Variants in FAM234B observed in about 807,000 individuals in gnomAD.
The protein encoded by FAM234B is family with sequence similarity 234 member B.
A neutral mutation model predicts 69.3 loss-of-function variants in FAM234B; 33 were observed. The ratio of observed to expected loss-of-function variants is 0.48; its 90% CI spans 0.36 to 0.64. FAM234B has a LOEUF of 0.64. Ranked by LOEUF, FAM234B falls within the 30% of genes least tolerant of loss-of-function variation. The probability of loss-of-function intolerance (pLI) is 0.00; values close to 1 mark genes in which losing one functional copy is unlikely to be tolerated. For missense variants in FAM234B, 697 were observed against 769.7 expected (o/e 0.91, Z 1.12); for synonymous variants, 306 against 306.9 (o/e 1.00, Z 0.03).
intron 3 of FAM234B, 39 bp downstream of exon 3, chr12:13,058,588 C>G: frequency 6.5e-7 from 1 of 1,532,096 alleles, no homozygotes; most frequent in Non-Finnish European, 9.0e-7. Flanking sequence ...TACAGGGGCA[C>G]TGTCAGCTAG....
At chr12:13,073,781 G>C (rs1865132629) in intron 10 of FAM234B, among the ~76,000 whole-genome samples, 1 of 152,220 alleles carries the variant, frequency 6.6e-6, no homozygotes, top group Admixed American at 6.5e-5. Flanking sequence ...GGTGGCTATT[G>C]TTTGTGCTGT....
At chr12:13,060,181 C>T (rs948101621) in intron 3 of FAM234B, among the ~76,000 whole-genome samples, 2 of 152,176 alleles carry the variant, frequency 1.3e-5, no homozygotes, top group South Asian at 2.1e-4. Context: ...GCTGGGGATT[C>T]GGATCCAAGG....
chr12:13,078,570 A>G (rs1253628693), intron 11 of FAM234B, among the ~76,000 whole-genome samples: 2 of 152,246 alleles, frequency 1.3e-5, no homozygotes, highest in African/African-American at 4.8e-5. Context: ...AATAAAGGGT[A>G]TTCAATTAGG....
intron 9 of FAM234B, 113 bp downstream of exon 9, chr12:13,068,824 T>C (rs556041705): frequency 2.2e-4 from 146 of 667,662 alleles, no homozygotes; most frequent in Middle Eastern, 8.4e-4. Context: ...GATCTCTAAC[T>C]TCAAAGAACT....
chr12:13,063,535 A>G (rs111770614), intron 5 of FAM234B, among the ~76,000 whole-genome samples: 11 of 152,360 alleles, frequency 7.2e-5, no homozygotes, highest in African/African-American at 2.6e-4. Context: ...CAATGACCAA[A>G]GAAAGGAGTG....
At position 13,055,629 on chromosome 12, in the gene FAM234B, T is replaced by C. The variant is rs760272495; in HGVS notation, c.116T>C (p.Leu39Pro). The change falls in exon 2 of 13, where the codon CTT (leucine) becomes CCT (proline). Residue 39 changes from leucine (L) to proline (P), a missense_variant. Leu to Pro is a moderately conservative substitution (Grantham distance 98). This residue lies in a region of FAM234B where 380 missense variants were observed against 447.1 expected (regional missense o/e 0.85). Coordinates refer to ENST00000197268, the MANE Select transcript of FAM234B (RefSeq NM_020853.2). ...DSDESEDDLVLNLQKNGGVKN... is the reference protein window; with the variant it reads ...DSDESEDDLVPNLQKNGGVKN... ...GATGAGAGCGAAGACGATCTGGTGC[T>C]TAACCTGCAGAAGAATGGAGGGGTC... is the stretch of plus-strand genomic sequence containing the variant. The C allele has an allele frequency of 7.4e-6, 12 of 1,614,186 alleles. No individual in the cohort carries two copies. The South Asian group carries it at 1.3e-4, about 18-fold the overall frequency.
At position 13,081,631 on chromosome 12, in the gene FAM234B, C is replaced by T. The variant is rs1391652713; in HGVS notation, c.*1001C>T. ...TGTTTCTGGACTTTTTCTTCTGCTA[C>T]TTGAGTCCAGGATGCAACCATTTTG... On this transcript the variant is annotated 3_prime_UTR_variant, in exon 13 of 13. Transcript: ENST00000197268. 4 of 152,224 alleles carry T rather than the reference C, an allele frequency of 2.6e-5. No individual in the cohort carries two copies. The highest frequency in any genetic ancestry group is 6.5e-5 in the Admixed American group (1 of 15,290). The allele number at this position is 152,224 out of a possible 1,614,324, so 9.4% of individuals were successfully genotyped here. A position where few individuals can be genotyped will look rare whatever the true frequency, so the allele number is the denominator to read the frequency against.
In FAM234B at chr12:13,055,554, A is replaced by G. The variant is rs1489691462; in HGVS notation, c.41A>G (p.Lys14Arg). The change falls in exon 2 of 13, where the codon AAG (lysine) becomes AGG (arginine). Residue 14 changes from lysine to arginine, a missense_variant. Transcript: ENST00000197268. The part of the protein sequence containing the change: ...VLSRALKLPG[K>R]KSPDLGEYDP... ...CTCTGTTTTTCTGTATTTTCAGGGAAGAAGAGCCCAGACCTAGGGGAGTAT... is the reference window on the plus strand; with the variant it reads ...CTCTGTTTTTCTGTATTTTCAGGGAGGAAGAGCCCAGACCTAGGGGAGTAT... 5.1e-6 allele frequency: 8 copies of G among 1,582,556 alleles called. No homozygotes were observed. Among genetic ancestry groups the G allele is most frequent in the Non-Finnish European group, 6.0e-6 (7 of 1,157,460 alleles).
At chr12:13,065,559 A>G (rs1187639560) in intron 5 of FAM234B, among the ~76,000 whole-genome samples, 2 of 152,174 alleles carry the variant, frequency 1.3e-5, no homozygotes, top group Non-Finnish European at 2.9e-5. Flanking sequence ...AAGTACCTAT[A>G]TCTTTTAATG....
intron 4 of FAM234B, 126 bp from the exon 5 acceptor site, chr12:13,062,719 G>T: frequency 2.1e-6 from 2 of 934,818 alleles, no homozygotes; most frequent in East Asian, 5.1e-5. Context: ...AAGGCAATAA[G>T]TAGGTAGGAG....
chr12:13,063,832 A>G (rs1196976696), intron 5 of FAM234B, among the ~76,000 whole-genome samples: 5 of 152,226 alleles, frequency 3.3e-5, no homozygotes, highest in African/African-American at 1.2e-4. Flanking sequence ...TTGTGCACAA[A>G]AGAGTCAAAC....
At chr12:13,074,933 G>T (rs996088404) in intron 10 of FAM234B, among the ~76,000 whole-genome samples, 14 of 152,200 alleles carry the variant, frequency 9.2e-5, no homozygotes, top group Non-Finnish European at 1.5e-5. Flanking sequence ...GGTAGTCCCA[G>T]GGGAGGAGAG....
chr12:13,074,686 G>A (rs1865141996), intron 10 of FAM234B, among the ~76,000 whole-genome samples: 1 of 152,190 alleles, frequency 6.6e-6, no homozygotes, highest in Non-Finnish European at 1.5e-5. Flanking sequence ...TGAGGAAGGT[G>A]TATGGCTGTT....
intron 1 of FAM234B, among the ~76,000 whole-genome samples, chr12:13,052,525 A>T (rs1393172272): frequency 1.3e-5 from 2 of 152,198 alleles, no homozygotes; most frequent in East Asian, 3.8e-4. Context: ...TATTAACTGT[A>T]TATGCACCCA....
chr12:13,047,203 G>T (rs1358915275), intron 1 of FAM234B, among the ~76,000 whole-genome samples: 1 of 152,176 alleles, frequency 6.6e-6, no homozygotes, highest in Non-Finnish European at 1.5e-5. Flanking sequence ...ATAAAATGAG[G>T]TTAATTAGTA....
intron 2 of FAM234B, 67 bp from the exon 3 acceptor site, chr12:13,058,384 C>T: frequency 7.9e-7 from 1 of 1,271,808 alleles, no homozygotes; most frequent in Non-Finnish European, 1.2e-6. Context: ...TATAGAGCTA[C>T]TGGCAACAGA....
Position 13,077,427 on chromosome 12 carries a change from C to G in FAM234B, c.1642+1284C>G, listed in dbSNP as rs1354723086. ...TAATGCTATCCCTCCCCCCTCCCCC[C>G]CACCCCACAACAGTCCCCAGAGTGT... On this transcript the variant is annotated intron_variant, in intron 11 of 12. Transcript: ENST00000197268. Among the ~76,000 whole-genome samples, 3 of 133,180 alleles carry G rather than the reference C, an allele frequency of 2.3e-5. No homozygotes were observed. The South Asian group carries it at 9.6e-4, about 42-fold the overall frequency. 87.4% of individuals were successfully genotyped at this position (133,180 alleles called of 152,430 possible). A position where few individuals can be genotyped will look rare whatever the true frequency, so the allele number is the denominator to read the frequency against.
At chr12:13,060,974 C>T (rs1864976969) in intron 3 of FAM234B, among the ~76,000 whole-genome samples, 1 of 152,170 alleles carries the variant, frequency 6.6e-6, no homozygotes, top group Non-Finnish European at 1.5e-5. Flanking sequence ...TCTAGACTAG[C>T]AAGACCCACT....
intron 1 of FAM234B, among the ~76,000 whole-genome samples, chr12:13,048,068 G>A (rs1864830897): frequency 6.6e-6 from 1 of 152,160 alleles, no homozygotes; most frequent in South Asian, 2.1e-4. Flanking sequence ...GGCTGGCCAA[G>A]AACTGGCCCC....
Sources: gnomAD v4.1 joint callset for allele counts (sites outside exome capture counted in the v4.1 genomes callset) on GRCh38, gnomAD v4.1.1 for gene constraint, gnomAD v4.1.1 regional missense constraint, MANE v1.5 for transcripts, NCBI Gene and HGNC (gene_info 2026-07-23, HGNC 2026-07-21) for gene names.